SV2C: variants seen among roughly 807,000 people sequenced by gnomAD.
SV2C encodes the protein solute carrier family 22 member B3.
In SV2C, 49 loss-of-function variants were observed where a neutral mutation model predicts 79.7. The observed-to-expected ratio is 0.61, with a 90% CI of 0.49 to 0.78. The LOEUF (loss-of-function observed/expected upper bound fraction) is 0.78. Ranked by LOEUF, SV2C falls within the 30% of genes least tolerant of loss-of-function variation. The pLI is 0.00. For missense variants in SV2C, 833 were observed against 912.9 expected (o/e 0.91, Z 1.13); for synonymous variants, 334 against 333.2 (o/e 1.00, Z -0.03).
intron 4 of SV2C, among the ~76,000 whole-genome samples, chr5:76,215,775 A>G (rs1466395966): frequency 6.6e-6 from 1 of 152,216 alleles, no homozygotes; most frequent in African/African-American, 2.4e-5. Context: ...TTCTCATATT[A>G]GTAATGGGCT....
In SV2C at chr5:76,260,906, G is replaced by C. The variant is rs969697750; in HGVS notation, c.914-24256G>C. Among the ~76,000 whole-genome samples the C allele has an allele frequency of 2.0e-5, 3 of 152,096 alleles. No individual in the cohort carries two copies. In the East Asian group the frequency reaches 5.8e-4, roughly 29 times the overall value. ...CCTTCAGCTTTGTTCTTTTTGCTTAGGATTGTCTTGGTTGTATGGGCTCTT... is the reference window on the plus strand; with the variant it reads ...CCTTCAGCTTTGTTCTTTTTGCTTACGATTGTCTTGGTTGTATGGGCTCTT... On this transcript the variant is annotated intron_variant, in intron 4 of 12. Transcript: ENST00000502798.
chr5:76,126,104 A>G (rs1748697157), intron 1 of SV2C, among the ~76,000 whole-genome samples: 1 of 152,234 alleles, frequency 6.6e-6, no homozygotes, highest in African/African-American at 2.4e-5. Context: ...CCTTTTTACT[A>G]GTTTCCTGTT....
At chr5:76,285,023 G>C (rs1390374853) in intron 4 of SV2C, 139 bp from the exon 5 acceptor site, 13 of 1,246,226 alleles carry the variant, frequency 1.0e-5, no homozygotes, top group Non-Finnish European at 1.3e-5. Flanking sequence ...GGCCACCATG[G>C]ATGATGCCCA....
intron 2 of SV2C, among the ~76,000 whole-genome samples, chr5:76,158,909 A>C (rs1308778324): frequency 6.6e-6 from 1 of 152,030 alleles, no homozygotes; most frequent in Non-Finnish European, 1.5e-5. Context: ...AAATACTAGC[A>C]AGCTGAATCC....
intron 3 of SV2C, among the ~76,000 whole-genome samples, chr5:76,205,763 C>A (rs575760811): frequency 3.7e-4 from 55 of 150,554 alleles, no homozygotes; most frequent in Non-Finnish European, 4.0e-4. Flanking sequence ...TAGCCCCCCA[C>A]TGCAAAACTT....
At chr5:75,933,515 C>T in the SV2C span, among the ~76,000 whole-genome samples, 2 of 152,190 alleles carry the variant, frequency 1.3e-5, no homozygotes, top group African/African-American at 4.8e-5. Context: ...TCTTTAGTCT[C>T]CTGGCTGTTT....
chr5:76,328,369 C>G lies in SV2C; in HGVS notation c.*2822C>G, dbSNP rs1749070121. On this transcript the variant is annotated 3_prime_UTR_variant, in exon 13 of 13. Coordinates refer to ENST00000502798, the MANE Select transcript of SV2C (RefSeq NM_014979.4). ...AAATTTCCCTGTTGCTCTTTGGAAT[C>G]AATCCAGAATGCTCCCAAGTCCCAT... 6.6e-6 allele frequency: 1 copy of G among 152,226 alleles called. No homozygotes were observed. Among genetic ancestry groups the G allele is most frequent in the Non-Finnish European group, 1.5e-5 (1 of 68,032 alleles). The allele number at this position is 152,226 out of a possible 1,614,324, so 9.4% of individuals were successfully genotyped here. A position where few individuals can be genotyped will look rare whatever the true frequency, so the allele number is the denominator to read the frequency against.
intron 2 of SV2C, among the ~76,000 whole-genome samples, chr5:76,184,551 GA>G (rs1030624964): frequency 2.0e-5 from 3 of 152,220 alleles, no homozygotes; most frequent in Admixed American, 6.5e-5. Flanking sequence ...CATGGCTGGG[GA>G]GGTCTCAAGA....
the SV2C span, among the ~76,000 whole-genome samples, chr5:75,907,602 C>T: frequency 1.3e-5 from 2 of 152,056 alleles, no homozygotes; most frequent in African/African-American, 2.4e-5. Flanking sequence ...CATCATAAGG[C>T]ATAAGTAAGA....
intron 4 of SV2C, among the ~76,000 whole-genome samples, chr5:76,261,350 G>T: frequency 6.6e-6 from 1 of 152,094 alleles, no homozygotes; most frequent in African/African-American, 2.4e-5. Flanking sequence ...GGGCTGAGAC[G>T]ATAGGGTTTT....
At chr5:76,260,080 A>G (rs1176785507) in intron 4 of SV2C, among the ~76,000 whole-genome samples, 2 of 152,112 alleles carry the variant, frequency 1.3e-5, no homozygotes, top group African/African-American at 2.4e-5. Flanking sequence ...AAGCATTGCT[A>G]TTTCTCCACA....
rs1420059706 is a variant in SV2C at position 76,300,789 on chromosome 5, A to G, written c.1697A>G (p.Lys566Arg). The G allele has an allele frequency of 1.9e-6, 3 of 1,614,202 alleles. No individual in the cohort carries two copies. The highest frequency in any genetic ancestry group is 2.5e-6 in the Non-Finnish European group (3 of 1,180,006). ...EFKNCSFFHN[K>R]TGCQITFDDD... ...AAAAACTGCTCGTTTTTTCACAACA[A>G]GACGGGATGTCAGATTACCTTTGAT... is the stretch of plus-strand genomic sequence containing the variant. Residue 566 changes from lysine (K) to arginine (R), a missense_variant, in exon 11 of 13, where the codon AAG (lysine) becomes AGG (arginine). Physicochemically the swap from Lys to Arg is conservative, Grantham distance 26. Transcript: ENST00000502798.
At chr5:75,999,355 G>T in the SV2C span, among the ~76,000 whole-genome samples, 3 of 146,242 alleles carry the variant, frequency 2.1e-5, no homozygotes, top group Admixed American at 7.0e-5. Context: ...GAGAAGGAGT[G>T]GGGGAGGGAG....
At chr5:76,058,223 T>C in the SV2C span, among the ~76,000 whole-genome samples, 1 of 152,104 alleles carries the variant, frequency 6.6e-6, no homozygotes, top group East Asian at 1.9e-4. Flanking sequence ...CACCTGAGCT[T>C]CCTTAATTGA....
chr5:76,006,258 C>T, the SV2C span, among the ~76,000 whole-genome samples: 8 of 152,106 alleles, frequency 5.3e-5, no homozygotes, highest in Non-Finnish European at 1.0e-4. Context: ...GTGCTGTGAC[C>T]ATGTCCTCAG....
the SV2C span, among the ~76,000 whole-genome samples, chr5:76,069,823 C>T: frequency 8.8e-5 from 13 of 148,204 alleles, no homozygotes; most frequent in African/African-American, 3.2e-4. Context: ...CCGTTTCTCT[C>T]TCTCTCTCTC....
chr5:76,108,116 G>T (rs1369334169), intron 1 of SV2C, among the ~76,000 whole-genome samples: 4 of 152,146 alleles, frequency 2.6e-5, no homozygotes, highest in Non-Finnish European at 5.9e-5. Flanking sequence ...GGAGCATAGG[G>T]CACCTTATTT....
At chr5:76,350,278 T>C (rs889036811) in intron 12 of SV2C, among the ~76,000 whole-genome samples, 1 of 152,206 alleles carries the variant, frequency 6.6e-6, no homozygotes, top group Non-Finnish European at 1.5e-5. Flanking sequence ...ACCTATCTTC[T>C]ATCCCTCATT....
At chr5:76,180,443 T>TAGCAA (rs1213363592) in intron 2 of SV2C, among the ~76,000 whole-genome samples, 1 of 152,248 alleles carries the variant, frequency 6.6e-6, no homozygotes, top group Non-Finnish European at 1.5e-5. Flanking sequence ...CCCTTTGCTA[T>TAGCAA]AGTCTATTAC....
Sources: allele counts gnomAD v4.1 joint callset (sites outside exome capture counted in the v4.1 genomes callset), GRCh38; gene constraint gnomAD v4.1.1; transcripts MANE v1.5; gene names NCBI Gene and HGNC (gene_info 2026-07-23, HGNC 2026-07-21).